MARCO: variants seen among roughly 807,000 people sequenced by gnomAD.
MARCO encodes macrophage receptor with collagenous structure.
A neutral mutation model predicts 70.0 loss-of-function variants in MARCO; 72 were observed. That is an observed-to-expected ratio of 1.03 (90% CI 0.85 to 1.25). The LOEUF is 1.25. Ranked by LOEUF, MARCO falls within the 50% of genes most tolerant of loss-of-function variation. The pLI is 0.00. For synonymous variants in MARCO, 273 were observed against 243.1 expected (o/e 1.12, Z -1.14); for missense variants, 696 against 659.3 (o/e 1.06, Z -0.61).
At chr2:118,956,164 T>C (rs1389141232) in intron 1 of MARCO, among the ~76,000 whole-genome samples, 1 of 152,162 alleles carries the variant, frequency 6.6e-6, no homozygotes, top group African/African-American at 2.4e-5. Context: ...TAAATATAAA[T>C]GGCCTAAATG....
rs191426136 is a variant in MARCO at position 118,990,910 on chromosome 2, G to C, written c.1108+277G>C. Among the ~76,000 whole-genome samples, 779 of 152,286 alleles carry C rather than the reference G, an allele frequency of 5.1e-3. 8 individuals carry two copies. Among genetic ancestry groups the C allele is most frequent in the African/African-American group, 0.017 (710 of 41,540 alleles). ...AAAGGGGAAAAATGTCAGGAGAGCTGGGGGTGCAGGCAGAGGCTCCAGGCT... is the reference window on the plus strand; with the variant it reads ...AAAGGGGAAAAATGTCAGGAGAGCTCGGGGTGCAGGCAGAGGCTCCAGGCT... On this transcript the variant is annotated intron_variant, in intron 13 of 16. Transcript: ENST00000327097.
intron 1 of MARCO, among the ~76,000 whole-genome samples, chr2:118,946,356 A>G (rs1266654709): frequency 6.6e-6 from 1 of 152,170 alleles, no homozygotes; most frequent in Admixed American, 6.5e-5. Context: ...AACCCCTGGC[A>G]ACCACTAATC....
chr2:118,985,262 C>T (rs546342758), intron 12 of MARCO, among the ~76,000 whole-genome samples: 61 of 152,190 alleles, frequency 4.0e-4, no homozygotes, highest in South Asian at 6.2e-4. Flanking sequence ...TATGGAAGAA[C>T]GTAGAGTGTA....
Position 118,974,533 on chromosome 2 carries a change from C to T in MARCO, c.581C>T (p.Pro194Leu). 6.2e-7 allele frequency: 1 copy of T among 1,613,900 alleles called. No individual in the cohort carries two copies. Among genetic ancestry groups the T allele is most frequent in the Non-Finnish European group, 8.5e-7 (1 of 1,179,970 alleles). ...CTTTCCCTTCCAGGCCCCTCGGGAC[C>T]CCAAGGCCCACCGGGAGTCAAGGGA... Reference protein sequence around the residue: ...GRDGATGPSGPQGPPGVKGEA... With the variant: ...GRDGATGPSGLQGPPGVKGEA... Residue 194 changes from proline to leucine, a missense_variant, in exon 6 of 17, where the codon CCC becomes CTC. Physicochemically the swap from Pro to Leu is moderately conservative, Grantham distance 98. Coordinates refer to ENST00000327097, the MANE Select transcript of MARCO (RefSeq NM_006770.4).
chr2:118,990,569 C>CGGGGGGGGGGGGGGGGG lies in MARCO; in HGVS notation c.1064-20_1064-19insGGGGGGGGGGGGGGGGG. The CGGGGGGGGGGGGGGGGG allele has an allele frequency of 1.4e-6, 2 of 1,415,976 alleles. No homozygotes were observed. Among genetic ancestry groups the CGGGGGGGGGGGGGGGGG allele is most frequent in the Non-Finnish European group, 1.9e-6 (2 of 1,028,330 alleles). The allele number at this position is 1,415,976 out of a possible 1,614,324, so 87.7% of individuals were successfully genotyped here. On this transcript the variant is annotated intron_variant, in intron 12 of 16. Coordinates refer to ENST00000327097, the MANE Select transcript of MARCO (RefSeq NM_006770.4). ...AGTTTTATTATCTCCTCCCCCCCCC[C>CGGGGGGGGGGGGGGGGG]TTTTTTGTTTTGATCTTAGGACTTC...
At chr2:118,990,673 C>T (rs200400638) in intron 13 of MARCO, 40 bp downstream of exon 13, 54 of 1,545,734 alleles carry the variant, frequency 3.5e-5, no homozygotes, top group Non-Finnish European at 4.2e-5. Flanking sequence ...GGAGTGATGA[C>T]GGGGAAGGCC....
At chr2:118,958,054 G>C (rs528963076) in intron 1 of MARCO, among the ~76,000 whole-genome samples, 1 of 151,826 alleles carries the variant, frequency 6.6e-6, no homozygotes, top group Admixed American at 6.6e-5. Context: ...ATACTGAATG[G>C]GGAAAAATTG....
chr2:118,973,408 T>A (rs1299407539), intron 4 of MARCO, among the ~76,000 whole-genome samples: 1 of 152,202 alleles, frequency 6.6e-6, no homozygotes, highest in African/African-American at 2.4e-5. Flanking sequence ...TCTCTCTGTC[T>A]CTTCCCACTC....
intron 1 of MARCO, among the ~76,000 whole-genome samples, chr2:118,963,779 G>A (rs1679992658): frequency 6.6e-6 from 1 of 152,084 alleles, no homozygotes; most frequent in African/African-American, 2.4e-5. Context: ...CTTATTTATA[G>A]CACATTGTTG....
At chr2:118,987,443 G>A (rs1427179000) in intron 12 of MARCO, among the ~76,000 whole-genome samples, 1 of 152,228 alleles carries the variant, frequency 6.6e-6, no homozygotes, top group Non-Finnish European at 1.5e-5. Flanking sequence ...GAGGCTTGGA[G>A]AGAAATGATA....
At position 118,974,527 on chromosome 2, in the gene MARCO, CGG is replaced by C; in HGVS notation, c.577_578del (p.Gly193ThrfsTer53). On this transcript the variant is annotated frameshift_variant, in exon 6 of 17. Transcript: ENST00000327097. LOFTEE classifies it high-confidence loss of function. ...AATTCCCTTTCCCTTCCAGGCCCCT[CGG>C]GACCCCAAGGCCCACCGGGAGTCAA... 6.2e-7 allele frequency: 1 copy of C among 1,613,902 alleles called. No individual in the cohort carries two copies. The highest frequency in any genetic ancestry group is 8.5e-7 in the Non-Finnish European group (1 of 1,179,984).
At chr2:118,958,211 T>C (rs1340461453) in intron 1 of MARCO, among the ~76,000 whole-genome samples, 1 of 151,916 alleles carries the variant, frequency 6.6e-6, no homozygotes, top group African/African-American at 2.4e-5. Context: ...AATCAAACTG[T>C]CCCTTTTTGC....
chr2:118,989,926 G>A (rs979387), intron 12 of MARCO, among the ~76,000 whole-genome samples: 40,606 of 152,090 alleles, frequency 0.27, 6,719 homozygotes, highest in African/African-American at 0.47. Flanking sequence ...TGACCCAGCA[G>A]GATGCTGGGG....
At chr2:118,959,227 C>T (rs1215502781) in intron 1 of MARCO, among the ~76,000 whole-genome samples, 1 of 152,074 alleles carries the variant, frequency 6.6e-6, no homozygotes, top group African/African-American at 2.4e-5. Context: ...AAAATCTTCA[C>T]AAATCTATAC....
chr2:118,974,632 G>GCGTCTGCAGCCCA, intron 6 of MARCO, 67 bp downstream of exon 6: 1 of 1,469,880 alleles, frequency 6.8e-7, no homozygotes, highest in Non-Finnish European at 9.4e-7. Context: ...GCTGTGGGCT[G>GCGTCTGCAGCCCA]CAGACGCAGC....
At chr2:118,986,589 GAAA>G (rs1558671381) in intron 12 of MARCO, among the ~76,000 whole-genome samples, 1,279 of 10,926 alleles carry the variant, frequency 0.12, 103 homozygotes, top group East Asian at 0.36. Flanking sequence ...AAGGAAAGAA[GAAA>G]GAAAGAAAGA....
chr2:118,980,784 A>T (rs1005096216), intron 8 of MARCO, among the ~76,000 whole-genome samples: 2 of 152,138 alleles, frequency 1.3e-5, no homozygotes, highest in Admixed American at 1.3e-4. Flanking sequence ...AAACCAAAGA[A>T]GTCACAGAGC....
intron 6 of MARCO, among the ~76,000 whole-genome samples, chr2:118,976,915 T>C (rs1680293915): frequency 6.6e-6 from 1 of 152,150 alleles, no homozygotes; most frequent in Non-Finnish European, 1.5e-5. Context: ...GACTGGGTAA[T>C]TTACACAGAA....
chr2:118,969,211 T>C lies in MARCO; in HGVS notation c.149T>C (p.Val50Ala). 1 of 1,614,196 alleles carries C rather than the reference T, an allele frequency of 6.2e-7. No individual in the cohort carries two copies. The highest frequency in any genetic ancestry group is 1.1e-5 in the South Asian group (1 of 91,082). ...NGVNFSLAVVVIYLILLTAGA... is the reference protein window; with the variant it reads ...NGVNFSLAVVAIYLILLTAGA... Reference sequence around the variant, plus strand: ...GTGAACTTCTCCCTAGCTGTGGTGGTCATCTACCTGATCCTGCTCACCGCT... The same window carrying C: ...GTGAACTTCTCCCTAGCTGTGGTGGCCATCTACCTGATCCTGCTCACCGCT... Residue 50 changes from valine (V) to alanine (A), a missense_variant, in exon 2 of 17, where the codon GTC (valine) becomes GCC (alanine). Coordinates refer to ENST00000327097, the MANE Select transcript of MARCO (RefSeq NM_006770.4).
Sources: gnomAD v4.1 joint callset for allele counts (sites outside exome capture counted in the v4.1 genomes callset) on GRCh38, gnomAD v4.1.1 for gene constraint, MANE v1.5 for transcripts, NCBI Gene and HGNC (gene_info 2026-07-23, HGNC 2026-07-21) for gene names.